The following PPP2R2B variants were observed in gnomAD, a reference collection of about 807,000 sequenced individuals.
The protein encoded by PPP2R2B is serine/threonine-protein phosphatase 2A 55 kDa regulatory subunit B beta isoform.
A neutral mutation model predicts 46.0 loss-of-function variants in PPP2R2B; 5 were observed. That is an observed-to-expected ratio of 0.11 (90% CI 0.06 to 0.23). The LOEUF (loss-of-function observed/expected upper bound fraction) is 0.23, where lower values mean the gene tolerates loss of function less well. PPP2R2B is among the 10% of genes least tolerant of loss of function. The pLI is 1.00. For synonymous variants in PPP2R2B, 215 were observed against 206.7 expected (o/e 1.04, Z -0.34); for missense variants, 367 against 575.0 (o/e 0.64, Z 3.70).
chr5:147,007,890 G>A (rs1211705247), intron 1 of PPP2R2B, among the ~76,000 whole-genome samples: 3 of 152,198 alleles, frequency 2.0e-5, no homozygotes, highest in Non-Finnish European at 4.4e-5. Flanking sequence ...AACACTCACT[G>A]TGAGGGTCCG....
At chr5:146,929,142 T>TA (rs899567433) in intron 1 of PPP2R2B, among the ~76,000 whole-genome samples, 3 of 152,206 alleles carry the variant, frequency 2.0e-5, no homozygotes, top group African/African-American at 7.2e-5. Context: ...ACTGCCCGCC[T>TA]ACCTCTCTCT....
Position 146,953,556 on chromosome 5 carries a change from A to C in PPP2R2B, c.79+102109T>G, listed in dbSNP as rs190088116. Among the ~76,000 whole-genome samples the C allele has an allele frequency of 8.5e-5, 13 of 152,296 alleles. No homozygotes were observed. In the East Asian group the frequency reaches 2.1e-3, roughly 25 times the overall value. On this transcript the variant is annotated intron_variant, in intron 1 of 8. Transcript: ENST00000336640. ...GGAGTTGGTCAAATACTTGTTATTT[A>C]AGTCACAAAAAGATATAAAGTGATA... is the stretch of plus-strand genomic sequence containing the variant.
intron 2 of PPP2R2B, among the ~76,000 whole-genome samples, chr5:146,735,342 T>G (rs1752474286): frequency 6.6e-6 from 1 of 151,652 alleles, no homozygotes; most frequent in Non-Finnish European, 1.5e-5. Context: ...CCACAATCCT[T>G]CTACTCTCTT....
chr5:146,604,329 G>C (rs932858547), intron 7 of PPP2R2B, among the ~76,000 whole-genome samples: 1 of 152,176 alleles, frequency 6.6e-6, no homozygotes, highest in Non-Finnish European at 1.5e-5. Context: ...AACAGTATCT[G>C]GTGCCTGAGT....
chr5:146,624,806 T>C (rs1773936598), intron 7 of PPP2R2B, among the ~76,000 whole-genome samples: 1 of 152,206 alleles, frequency 6.6e-6, no homozygotes, highest in South Asian at 2.1e-4. Flanking sequence ...TATGTAGCTC[T>C]TCCTGCCTCC....
intron 1 of PPP2R2B, among the ~76,000 whole-genome samples, chr5:146,956,154 G>A (rs1330807881): frequency 6.6e-6 from 1 of 151,838 alleles, no homozygotes; most frequent in Non-Finnish European, 1.5e-5. Flanking sequence ...GCAGAACAAA[G>A]GTAAAATACA....
intron 1 of PPP2R2B, among the ~76,000 whole-genome samples, chr5:146,907,351 T>C (rs1226092906): frequency 6.6e-6 from 1 of 152,214 alleles, no homozygotes; most frequent in Admixed American, 6.5e-5. Context: ...AAGCAGCTCT[T>C]CTCCCAGAGC....
chr5:146,616,813 AT>A (rs1454211120), intron 7 of PPP2R2B: 1 of 152,248 alleles, frequency 6.6e-6, no homozygotes, highest in Non-Finnish European at 1.5e-5. Flanking sequence ...CAGTTTCGAG[AT>A]TCCTCAAAAA....
At chr5:146,774,592 G>A (rs965761949) in intron 2 of PPP2R2B, among the ~76,000 whole-genome samples, 5 of 152,056 alleles carry the variant, frequency 3.3e-5, no homozygotes, top group African/African-American at 7.2e-5. Context: ...CAAGGTGGGC[G>A]GATCACCTGA....
At chr5:146,851,629 T>A (rs1371344970) in intron 2 of PPP2R2B, among the ~76,000 whole-genome samples, 1 of 152,080 alleles carries the variant, frequency 6.6e-6, no homozygotes, top group African/African-American at 2.4e-5. Context: ...TGGTTTCCTA[T>A]AAGAATTTAA....
chr5:146,769,984 C>T (rs990021969), intron 2 of PPP2R2B, among the ~76,000 whole-genome samples: 2 of 151,938 alleles, frequency 1.3e-5, no homozygotes, highest in Non-Finnish European at 2.9e-5. Flanking sequence ...CGATGTTTGT[C>T]AGCATTATTT....
chr5:146,779,106 A>G (rs1190206013), intron 2 of PPP2R2B, among the ~76,000 whole-genome samples: 2 of 152,232 alleles, frequency 1.3e-5, no homozygotes, highest in African/African-American at 4.8e-5. Flanking sequence ...CAAAGAAAGT[A>G]GCTGGAAATG....
chr5:147,055,585 G>A (rs574335764), intron 1 of PPP2R2B: 9 of 1,249,278 alleles, frequency 7.2e-6, no homozygotes, highest in Admixed American at 5.3e-5. Context: ...ACAGAAAGCA[G>A]CATCAGCAGA....
intron 6 of PPP2R2B, among the ~76,000 whole-genome samples, chr5:146,641,914 G>A (rs1305660534): frequency 6.6e-6 from 1 of 151,982 alleles, no homozygotes; most frequent in Non-Finnish European, 1.5e-5. Flanking sequence ...CAAATAACTA[G>A]ATGGCAAAAG....
At chr5:147,025,701 T>C (rs1373875441) in intron 1 of PPP2R2B, among the ~76,000 whole-genome samples, 3 of 151,924 alleles carry the variant, frequency 2.0e-5, no homozygotes, top group African/African-American at 7.2e-5. Flanking sequence ...CTAGAATATA[T>C]AAAGGACTCT....
intron 1 of PPP2R2B, among the ~76,000 whole-genome samples, chr5:146,940,053 T>TA (rs1265381224): frequency 6.6e-6 from 1 of 152,018 alleles, no homozygotes; most frequent in Non-Finnish European, 1.5e-5. Context: ...CCTAAAAGAG[T>TA]AAAACAAAGA....
chr5:146,927,075 G>A (rs1763806665), intron 1 of PPP2R2B, among the ~76,000 whole-genome samples: 1 of 152,186 alleles, frequency 6.6e-6, no homozygotes, highest in African/African-American at 2.4e-5. Flanking sequence ...GCTGGGTTGA[G>A]GTGGATGAGA....
intron 1 of PPP2R2B, among the ~76,000 whole-genome samples, chr5:147,051,314 T>C (rs1357631949): frequency 6.6e-6 from 1 of 152,150 alleles, no homozygotes; most frequent in Non-Finnish European, 1.5e-5. Context: ...CAATGGCGTT[T>C]AATAAGACTG....
chr5:146,862,841 C>T (rs1314775390), intron 2 of PPP2R2B, among the ~76,000 whole-genome samples: 1 of 143,462 alleles, frequency 7.0e-6, no homozygotes, highest in African/African-American at 2.6e-5. Context: ...CAAAGGCAAC[C>T]TGCTTGTCAA....
Sources: allele counts gnomAD v4.1 joint callset (sites outside exome capture counted in the v4.1 genomes callset), GRCh38; gene constraint gnomAD v4.1.1; transcripts MANE v1.5; gene names NCBI Gene and HGNC (gene_info 2026-07-23, HGNC 2026-07-21).